The following NUBPL variants were observed in gnomAD, a reference collection of about 807,000 sequenced individuals.
NUBPL encodes the protein iron-sulfur cluster transfer protein NUBPL.
In NUBPL, 31 loss-of-function variants were observed where a neutral mutation model predicts 45.7. The ratio of observed to expected loss-of-function variants is 0.68; its 90% CI spans 0.51 to 0.92. The LOEUF is 0.92. Among genes scored for constraint, NUBPL ranks in the 40% least tolerant of loss-of-function variants. The probability of loss-of-function intolerance (pLI) is 0.00; values close to 1 mark genes in which losing one functional copy is unlikely to be tolerated. For missense variants in NUBPL, 401 were observed against 398.7 expected, an observed-to-expected ratio of 1.01 and a Z score of -0.05; for synonymous variants, 144 against 140.9, an observed-to-expected ratio of 1.02 and a Z score of -0.15.
At chr14:31,758,848 C>T (rs2038733684) in intron 6 of NUBPL, among the ~76,000 whole-genome samples, 1 of 152,046 alleles carries the variant, frequency 6.6e-6, no homozygotes. Context: ...TTGCATTCTA[C>T]TGTTTAGTAT....
At chr14:31,729,561 A>G (rs1463693928) in intron 6 of NUBPL, among the ~76,000 whole-genome samples, 2 of 152,174 alleles carry the variant, frequency 1.3e-5, no homozygotes. Flanking sequence ...TACTTTAGTC[A>G]TATGTAAACT....
chr14:31,717,242 T>G (rs986287623), intron 6 of NUBPL, among the ~76,000 whole-genome samples: 15 of 152,296 alleles, frequency 9.8e-5, no homozygotes, highest in African/African-American at 3.4e-4. Flanking sequence ...TTCTGGGCCT[T>G]CCCTCCTGCT....
chr14:31,747,700 T>A (rs145304018), intron 6 of NUBPL, among the ~76,000 whole-genome samples: 10 of 152,310 alleles, frequency 6.6e-5, no homozygotes, highest in African/African-American at 2.4e-4. Context: ...GGGTCTTCTC[T>A]CATTTTTCCT....
rs371582695 is a variant in NUBPL at position 31,561,500 on chromosome 14, G to A, written c.61G>A (p.Ala21Thr). The A allele has an allele frequency of 4.7e-5, 66 of 1,393,950 alleles. No homozygotes were observed. In the African/African-American group the frequency reaches 8.6e-4, roughly 18 times the overall value. 86.3% of individuals were successfully genotyped at this position (1,393,950 alleles called of 1,614,324 possible). A position where few individuals can be genotyped will look rare whatever the true frequency, so the allele number is the denominator to read the frequency against. ...GGTGTCGCTCCGGGCTGGTGGCGGG[G>A]CCACTGCCCCGCTTGGGGGAAGCCG... ...GGVSLRAGGGATAPLGGSRAM... is the reference protein window; with the variant it reads ...GGVSLRAGGGTTAPLGGSRAM... Residue 21 changes from alanine to threonine, a missense_variant, in exon 1 of 11, where the codon GCC (alanine) becomes ACC (threonine). Ala to Thr is a moderately conservative substitution (Grantham distance 58, BLOSUM62 0). Coordinates refer to ENST00000281081, the MANE Select transcript of NUBPL (RefSeq NM_025152.3).
chr14:31,813,464 C>CAT (rs751550188), intron 7 of NUBPL, among the ~76,000 whole-genome samples: 96 of 82,104 alleles, frequency 1.2e-3, no homozygotes, highest in African/African-American at 3.9e-3. Context: ...CACACACACA[C>CAT]ACATACATAC....
At position 31,695,972 on chromosome 14, in the gene NUBPL, A is replaced by G. The variant is rs58828441; in HGVS notation, c.513+22398A>G. Among the ~76,000 whole-genome samples the G allele has an allele frequency of 2.7e-3, 415 of 152,382 alleles. 2 individuals carry two copies. Among genetic ancestry groups the G allele is most frequent in the African/African-American group, 9.2e-3 (383 of 41,598 alleles). ...TTTCACTTGATAAAATTACGTAGTGATCTGATGCTTTAAATGGGTAATTTT... is the reference window on the plus strand; with the variant it reads ...TTTCACTTGATAAAATTACGTAGTGGTCTGATGCTTTAAATGGGTAATTTT... On this transcript the variant is annotated intron_variant, in intron 6 of 10. Coordinates refer to ENST00000281081, the MANE Select transcript of NUBPL (RefSeq NM_025152.3).
intron 6 of NUBPL, among the ~76,000 whole-genome samples, chr14:31,716,199 T>G (rs1435406372): frequency 6.6e-6 from 1 of 152,180 alleles, no homozygotes; most frequent in Non-Finnish European, 1.5e-5. Flanking sequence ...CTGGAATACC[T>G]TTTGAAGGAC....
intron 7 of NUBPL, among the ~76,000 whole-genome samples, chr14:31,817,203 T>C (rs1311964660): frequency 1.3e-5 from 2 of 152,190 alleles, no homozygotes; most frequent in Non-Finnish European, 2.9e-5. Flanking sequence ...TTCATTGGTG[T>C]ACCTGAAAGT....
At chr14:31,667,697 T>G (rs569163913) in intron 4 of NUBPL, 1 of 152,342 alleles carries the variant, frequency 6.6e-6, no homozygotes, top group South Asian at 2.1e-4. Flanking sequence ...TTTATCTACC[T>G]TTGATCTTTG....
At chr14:31,828,221 G>A (rs1278441308) in intron 8 of NUBPL, among the ~76,000 whole-genome samples, 3 of 152,140 alleles carry the variant, frequency 2.0e-5, no homozygotes, top group Admixed American at 2.0e-4. Context: ...CACCTAATTT[G>A]AGCAGTGTTA....
At chr14:31,653,204 G>A (rs1018113714) in intron 4 of NUBPL, among the ~76,000 whole-genome samples, 2 of 152,172 alleles carry the variant, frequency 1.3e-5, no homozygotes, top group Admixed American at 6.5e-5. Context: ...AGCTGTGCAC[G>A]TATTGTCTTG....
At chr14:31,813,734 G>T (rs1047394545) in intron 7 of NUBPL, among the ~76,000 whole-genome samples, 1 of 152,072 alleles carries the variant, frequency 6.6e-6, no homozygotes. Flanking sequence ...CATTCCCTAT[G>T]TCCATGTTTT....
intron 3 of NUBPL, among the ~76,000 whole-genome samples, chr14:31,596,879 C>T (rs1304087551): frequency 6.6e-6 from 1 of 152,154 alleles, no homozygotes; most frequent in Non-Finnish European, 1.5e-5. Context: ...GCTTAGCTAA[C>T]TGCCCAGTAC....
intron 4 of NUBPL, among the ~76,000 whole-genome samples, chr14:31,624,494 G>A (rs192525499): frequency 3.0e-4 from 45 of 152,228 alleles, no homozygotes; most frequent in African/African-American, 1.1e-3. Flanking sequence ...GTTGTTAGTT[G>A]AGATCAATGA....
At chr14:31,644,508 A>C (rs2035791824) in intron 4 of NUBPL, among the ~76,000 whole-genome samples, 1 of 152,288 alleles carries the variant, frequency 6.6e-6, no homozygotes, top group East Asian at 1.9e-4. Context: ...ACTGTAGTCC[A>C]GAAAGATACT....
chr14:31,642,363 G>C (rs940692987), intron 4 of NUBPL, among the ~76,000 whole-genome samples: 3 of 152,120 alleles, frequency 2.0e-5, no homozygotes, highest in African/African-American at 7.2e-5. Context: ...TTTTGTACAT[G>C]GTGAGAAATA....
chr14:31,684,797 A>C (rs2036915611), intron 6 of NUBPL, among the ~76,000 whole-genome samples: 1 of 152,182 alleles, frequency 6.6e-6, no homozygotes, highest in African/African-American at 2.4e-5. Context: ...TGTTGATGTT[A>C]TAATGGGTAT....
chr14:31,813,658 G>A (rs528979643), intron 7 of NUBPL, among the ~76,000 whole-genome samples: 1 of 152,084 alleles, frequency 6.6e-6, no homozygotes, highest in South Asian at 2.1e-4. Context: ...TCTACATTAG[G>A]TATTTCTCCT....
At chr14:31,621,454 G>A (rs191552909) in intron 4 of NUBPL, among the ~76,000 whole-genome samples, 20 of 152,308 alleles carry the variant, frequency 1.3e-4, no homozygotes, top group African/African-American at 3.6e-4. Flanking sequence ...TGCCAGTTGC[G>A]AAGACCGTGG....
Sources: allele counts gnomAD v4.1 joint callset (sites outside exome capture counted in the v4.1 genomes callset), GRCh38; gene constraint gnomAD v4.1.1; transcripts MANE v1.5; gene names NCBI Gene and HGNC (gene_info 2026-07-23, HGNC 2026-07-21).